Variants in FLT1 observed in about 807,000 individuals in gnomAD.
FLT1 encodes fms related receptor tyrosine kinase 1.
FLT1 carries 49 observed loss-of-function variants against 156.3 expected under a neutral mutation model. The ratio of observed to expected loss-of-function variants is 0.31; its 90% CI spans 0.25 to 0.40. The LOEUF is 0.40. FLT1 is among the 10% of genes least tolerant of loss of function. The pLI is 1.00. For missense variants in FLT1, 1,322 were observed against 1,637.2 expected, an observed-to-expected ratio of 0.81 and a Z score of 3.32; for synonymous variants, 594 against 583.8, an observed-to-expected ratio of 1.02 and a Z score of -0.25.
chr13:28,442,471 C>G (rs1460785020), intron 3 of FLT1, among the ~76,000 whole-genome samples: 1 of 152,170 alleles, frequency 6.6e-6, no homozygotes, highest in Non-Finnish European at 1.5e-5. Flanking sequence ...TGAATTTCTT[C>G]TTTCCCTTTG....
At chr13:28,331,294 T>C (rs1871921170) in intron 18 of FLT1, among the ~76,000 whole-genome samples, 3 of 152,254 alleles carry the variant, frequency 2.0e-5, no homozygotes, top group Middle Eastern at 3.2e-3. Flanking sequence ...TGGCTCACAG[T>C]AGATGCTCAA....
At chr13:28,407,381 C>T (rs914948894) in intron 10 of FLT1, among the ~76,000 whole-genome samples, 49 of 151,316 alleles carry the variant, frequency 3.2e-4, no homozygotes, top group African/African-American at 1.1e-3. Flanking sequence ...TTTTTTTCTT[C>T]TGTATTTTAT....
chr13:28,351,119 T>G (rs1236618624), intron 15 of FLT1, among the ~76,000 whole-genome samples: 2 of 152,190 alleles, frequency 1.3e-5, no homozygotes, highest in Non-Finnish European at 2.9e-5. Flanking sequence ...CTTTTCTTTC[T>G]GAAACAAATC....
At position 28,412,325 on chromosome 13, in the gene FLT1, C is replaced by T. The variant is rs1281653208; in HGVS notation, c.1437-6431G>A. 2.2e-3 allele frequency among the ~76,000 whole-genome samples: 176 copies of T among 78,754 alleles called. 7 individuals are homozygous for T. Among genetic ancestry groups the T allele is most frequent in the Middle Eastern group, 7.1e-3 (1 of 140 alleles). 51.7% of individuals were successfully genotyped at this position (78,754 alleles called of 152,430 possible). A position where few individuals can be genotyped will look rare whatever the true frequency, so the allele number is the denominator to read the frequency against. On this transcript the variant is annotated intron_variant, in intron 10 of 29. Coordinates refer to ENST00000282397, the MANE Select transcript of FLT1 (RefSeq NM_002019.4). ...TCTCTTTCTCTTTCTTTCTTTCTTT[C>T]TTTCTTTTCTTTCTTTCTTTCTTTC...
rs117060769 is a variant in FLT1 at position 28,454,852 on chromosome 13, G to A, written c.388+12051C>T. ...AAGTCAGTTGCTTTCCTATATACAA[G>A]CAATGAAAACTAGTAGAGTTGAAAT... is the stretch of plus-strand genomic sequence containing the variant. On this transcript the variant is annotated intron_variant, in intron 3 of 29. Transcript: ENST00000282397. Among the ~76,000 whole-genome samples the A allele has an allele frequency of 1.5e-3, 235 of 152,176 alleles. 2 individuals are homozygous for A. The highest frequency in any genetic ancestry group is 2.2e-3 in the Non-Finnish European group (148 of 67,994).
At chr13:28,424,013 C>T (rs1426487221) in intron 10 of FLT1, among the ~76,000 whole-genome samples, 5 of 151,772 alleles carry the variant, frequency 3.3e-5, no homozygotes, top group African/African-American at 9.7e-5. Context: ...TGCAGTGGTG[C>T]GATCTCAGCT....
At chr13:28,309,024 C>T (rs983790658) in intron 27 of FLT1, 97 bp from the exon 28 acceptor site, 2 of 732,674 alleles carry the variant, frequency 2.7e-6, no homozygotes, top group Non-Finnish European at 4.9e-6. Context: ...TAAGATGAAC[C>T]AACACACCAA....
chr13:28,409,166 A>G (rs1875989070), intron 10 of FLT1, among the ~76,000 whole-genome samples: 1 of 152,080 alleles, frequency 6.6e-6, no homozygotes, highest in Non-Finnish European at 1.5e-5. Context: ...CACCCTCTAT[A>G]TATGCAGATG....
chr13:28,314,566 G>A (rs1456451886), intron 25 of FLT1, among the ~76,000 whole-genome samples: 2 of 152,158 alleles, frequency 1.3e-5, no homozygotes, highest in African/African-American at 2.4e-5. Flanking sequence ...CTGGGGATGA[G>A]GGGCCCCCAG....
chr13:28,409,142 T>A (rs1875987928), intron 10 of FLT1, among the ~76,000 whole-genome samples: 1 of 152,160 alleles, frequency 6.6e-6, no homozygotes, highest in African/African-American at 2.4e-5. Flanking sequence ...TCTTGACACA[T>A]TATGGGAAAC....
intron 14 of FLT1, among the ~76,000 whole-genome samples, chr13:28,364,943 A>C (rs1873236671): frequency 1.3e-5 from 2 of 152,050 alleles, no homozygotes; most frequent in South Asian, 4.1e-4. Flanking sequence ...AATACTTTAT[A>C]CTTCAGATTT....
intron 1 of FLT1, among the ~76,000 whole-genome samples, chr13:28,470,943 G>A (rs531965282): frequency 2.6e-4 from 40 of 152,142 alleles, no homozygotes; most frequent in African/African-American, 9.6e-4. Flanking sequence ...CGCCCACCTC[G>A]GCTTCCCAAA....
chr13:28,397,112 C>A, intron 11 of FLT1, 44 bp from the exon 12 acceptor site: 1 of 1,098,244 alleles, frequency 9.1e-7, no homozygotes, highest in Non-Finnish European at 1.4e-6. Flanking sequence ...GGACAAATAA[C>A]TAATTGAACA....
At chr13:28,328,753 G>A (rs1593684567) in intron 19 of FLT1, among the ~76,000 whole-genome samples, 1 of 152,218 alleles carries the variant, frequency 6.6e-6, no homozygotes, top group Non-Finnish European at 1.5e-5. Context: ...CCAGCTGCAC[G>A]GAGCTGACGG....
chr13:28,443,358 C>T (rs746866280), intron 3 of FLT1, among the ~76,000 whole-genome samples: 2 of 152,190 alleles, frequency 1.3e-5, no homozygotes, highest in African/African-American at 4.8e-5. Flanking sequence ...TTGAAGCATA[C>T]AGACATAGTG....
chr13:28,377,990 A>AT (rs1288573983), intron 14 of FLT1, among the ~76,000 whole-genome samples: 1 of 152,028 alleles, frequency 6.6e-6, no homozygotes, highest in East Asian at 1.9e-4. Flanking sequence ...TGATTTTAAT[A>AT]TGCTTTTAAA....
chr13:28,335,037 AG>A (rs35483614), intron 17 of FLT1, among the ~76,000 whole-genome samples: 1 of 152,082 alleles, frequency 6.6e-6, no homozygotes, highest in Non-Finnish European at 1.5e-5. Flanking sequence ...AGGTAACTAG[AG>A]GGGCCCATGG....
rs612627 is a variant in FLT1, at chr13:28,489,460, C to A, written c.64+5320G>T. 5.9e-3 allele frequency among the ~76,000 whole-genome samples: 904 copies of A among 152,226 alleles called. 11 individuals carry two copies. Among genetic ancestry groups the A allele is most frequent in the African/African-American group, 0.021 (858 of 41,534 alleles). ...AGGACACAGACACATAAAATCCTGACAATGCAAAGTGAGAATTACTGAAGG... is the reference window on the plus strand; with the variant it reads ...AGGACACAGACACATAAAATCCTGAAAATGCAAAGTGAGAATTACTGAAGG... On this transcript the variant is annotated intron_variant, in intron 1 of 29. Transcript: ENST00000282397.
chr13:28,489,945 A>G (rs916082798), intron 1 of FLT1, among the ~76,000 whole-genome samples: 7 of 152,246 alleles, frequency 4.6e-5, no homozygotes, highest in Admixed American at 3.3e-4. Flanking sequence ...AAAACTTCAT[A>G]TTAAAAAGAT....
Sources: gnomAD v4.1 joint callset for allele counts (sites outside exome capture counted in the v4.1 genomes callset) on GRCh38, gnomAD v4.1.1 for gene constraint, MANE v1.5 for transcripts, NCBI Gene and HGNC (gene_info 2026-07-23, HGNC 2026-07-21) for gene names.